The following SMOC2 variants were observed in gnomAD, a reference collection of about 807,000 sequenced individuals.
The protein encoded by SMOC2 is SPARC-related modular calcium-binding protein 2.
Under a neutral mutation model 61.4 loss-of-function variants are expected in SMOC2, and 39 were observed. That is an observed-to-expected ratio of 0.64 (90% CI 0.49 to 0.83). SMOC2 has a LOEUF of 0.83. Ranked by LOEUF, SMOC2 falls within the 40% of genes least tolerant of loss-of-function variation. SMOC2 has a pLI of 0.00. For missense variants in SMOC2, 556 were observed against 592.9 expected, an observed-to-expected ratio of 0.94 and a Z score of 0.65; for synonymous variants, 247 against 239.9, an observed-to-expected ratio of 1.03 and a Z score of -0.27.
chr6:168,538,162 C>T (rs1354092484), intron 4 of SMOC2, among the ~76,000 whole-genome samples: 2 of 132,668 alleles, frequency 1.5e-5, no homozygotes, highest in Non-Finnish European at 3.1e-5. Flanking sequence ...GTGACCCCTG[C>T]TGGAATCTGG....
Position 168,644,088 on chromosome 6 carries a change from G to A in SMOC2, c.908-6593G>A, listed in dbSNP as rs142200250. 6.0e-4 allele frequency among the ~76,000 whole-genome samples: 92 copies of A among 152,290 alleles called. 1 individual carries two copies. Among genetic ancestry groups the A allele is most frequent in the South Asian group, 4.1e-3 (20 of 4,830 alleles). ...CTATGTAGAAGGAGTGGTCTGTTTC[G>A]GCTGGGGATGGAGCATTGAGATTGC... On this transcript the variant is annotated intron_variant, in intron 9 of 12. Coordinates refer to ENST00000356284, the MANE Select transcript of SMOC2 (RefSeq NM_001166412.2).
At chr6:168,600,422 CA>C (rs1299567047) in intron 8 of SMOC2, among the ~76,000 whole-genome samples, 11 of 25,956 alleles carry the variant, frequency 4.2e-4, no homozygotes, top group East Asian at 1.4e-3. Context: ...AAAAAAAAAA[CA>C]AAAAAAAAAA....
At chr6:168,580,121 A>G (rs1293121724) in intron 7 of SMOC2, among the ~76,000 whole-genome samples, 1 of 152,170 alleles carries the variant, frequency 6.6e-6, no homozygotes, top group African/African-American at 2.4e-5. Context: ...ACCAGGGCCT[A>G]GGATTCATGT....
At chr6:168,629,355 A>C (rs973753478) in intron 9 of SMOC2, among the ~76,000 whole-genome samples, 1 of 152,194 alleles carries the variant, frequency 6.6e-6, no homozygotes, top group Non-Finnish European at 1.5e-5. Context: ...CAGAAACCCC[A>C]TTCATCGACC....
rs891891669 is a variant in SMOC2, at chr6:168,517,296, G to A, written c.256+7210G>A. Among the ~76,000 whole-genome samples, 5 of 152,330 alleles carry A rather than the reference G, an allele frequency of 3.3e-5. No individual in the cohort carries two copies. The South Asian group carries it at 1.0e-3, about 32-fold the overall frequency. ...CTCTGCCCCTGTGGCCAGCGGCGCC[G>A]TGGCCTGGCTGTGAGGCCCAGCAGG... is the stretch of plus-strand genomic sequence containing the variant. On this transcript the variant is annotated intron_variant, in intron 2 of 12. Coordinates refer to ENST00000356284, the MANE Select transcript of SMOC2 (RefSeq NM_001166412.2).
intron 1 of SMOC2, among the ~76,000 whole-genome samples, chr6:168,468,783 C>CG (rs766776287): frequency 2.6e-5 from 4 of 152,330 alleles, no homozygotes; most frequent in Admixed American, 6.5e-5. Context: ...ATCTGCCCAC[C>CG]TCAGCCTCTG....
At chr6:168,518,385 ATG>A (rs201446140) in intron 2 of SMOC2, among the ~76,000 whole-genome samples, 3,084 of 149,176 alleles carry the variant, frequency 0.021, 92 homozygotes, top group African/African-American at 0.073. Flanking sequence ...CATTGTGTGC[ATG>A]TGTGATTGTG....
At chr6:168,598,729 T>A in intron 7 of SMOC2, 89 bp from the exon 8 acceptor site, 1 of 1,451,128 alleles carries the variant, frequency 6.9e-7, no homozygotes, top group South Asian at 1.3e-5. Flanking sequence ...CACATCGTTC[T>A]TGGCAGTTCT....
intron 7 of SMOC2, among the ~76,000 whole-genome samples, chr6:168,558,855 G>C (rs1310666598): frequency 7.9e-6 from 1 of 126,698 alleles, no homozygotes; most frequent in African/African-American, 3.9e-5. Flanking sequence ...ATGTGCGCGT[G>C]TGCGCATGTG....
At chr6:168,589,528 A>T (rs1184822297) in intron 7 of SMOC2, among the ~76,000 whole-genome samples, 3 of 152,270 alleles carry the variant, frequency 2.0e-5, no homozygotes, top group Non-Finnish European at 4.4e-5. Context: ...GAAACATGGA[A>T]AAGCTGGAAG....
chr6:168,640,094 TGATG>T (rs1786853687), intron 9 of SMOC2, among the ~76,000 whole-genome samples: 1 of 152,184 alleles, frequency 6.6e-6, no homozygotes, highest in African/African-American at 2.4e-5. Context: ...TGCTCCCTCC[TGATG>T]GATCACTGGT....
At chr6:168,619,281 A>C (rs182024620) in intron 9 of SMOC2, among the ~76,000 whole-genome samples, 2 of 152,338 alleles carry the variant, frequency 1.3e-5, no homozygotes, top group Admixed American at 1.3e-4. Flanking sequence ...CGTTACTTTG[A>C]AAGTTATGAT....
intron 9 of SMOC2, among the ~76,000 whole-genome samples, chr6:168,647,491 G>A (rs1382031085): frequency 3.3e-5 from 5 of 152,098 alleles, no homozygotes; most frequent in East Asian, 1.9e-4. Flanking sequence ...GCGCCCCTGC[G>A]AGGGACGAGG....
At chr6:168,627,792 G>C (rs1475191791) in intron 9 of SMOC2, among the ~76,000 whole-genome samples, 1 of 152,174 alleles carries the variant, frequency 6.6e-6, no homozygotes, top group Admixed American at 6.5e-5. Flanking sequence ...ACGTGCAAGG[G>C]ATCCTTTCAA....
intron 11 of SMOC2, chr6:168,655,441 A>G (rs770477510): frequency 2.2e-6 from 1 of 456,228 alleles, no homozygotes; most frequent in South Asian, 1.5e-5. Flanking sequence ...TGTTCTTAGG[A>G]GGCAAGCCAG....
intron 7 of SMOC2, among the ~76,000 whole-genome samples, chr6:168,595,546 C>T (rs1785307604): frequency 6.6e-6 from 1 of 152,234 alleles, no homozygotes; most frequent in Admixed American, 6.5e-5. Context: ...GTGGCCTTCT[C>T]TTCCCAGGGG....
At chr6:168,493,529 AG>A (rs1232172678) in intron 1 of SMOC2, among the ~76,000 whole-genome samples, 1 of 152,248 alleles carries the variant, frequency 6.6e-6, no homozygotes, top group East Asian at 1.9e-4. Context: ...CCAGAAGCGA[AG>A]GAAAACTGTT....
chr6:168,592,391 CG>C (rs1562367282), intron 7 of SMOC2, among the ~76,000 whole-genome samples: 34 of 90,076 alleles, frequency 3.8e-4, no homozygotes, highest in Admixed American at 5.2e-4. Flanking sequence ...AGAGGATCTC[CG>C]AGCTCCTCCT....
intron 9 of SMOC2, among the ~76,000 whole-genome samples, chr6:168,613,655 TGGAGCCTCTTCACACCTACAGCCAG>T (rs1785954208): frequency 4.1e-5 from 2 of 48,806 alleles, no homozygotes; most frequent in Non-Finnish European, 8.5e-5. Context: ...AGCCAGCACA[TGGAGCCTCTTCACACCTACAGCCAG>T]CACAGGGCCT....
Sources: gnomAD v4.1 joint callset for allele counts (sites outside exome capture counted in the v4.1 genomes callset) on GRCh38, gnomAD v4.1.1 for gene constraint, MANE v1.5 for transcripts, NCBI Gene and HGNC (gene_info 2026-07-23, HGNC 2026-07-21) for gene names.